The following BMPR1B variants were observed in gnomAD, a reference collection of about 807,000 sequenced individuals.
BMPR1B encodes the protein bone morphogenetic protein receptor type 1B.
A neutral mutation model predicts 59.1 loss-of-function variants in BMPR1B; 12 were observed. That is an observed-to-expected ratio of 0.20 (90% CI 0.13 to 0.33). The LOEUF (loss-of-function observed/expected upper bound fraction) is 0.33, where lower values mean the gene tolerates loss of function less well. Ranked by LOEUF, BMPR1B falls within the 10% of genes least tolerant of loss-of-function variation. The probability of loss-of-function intolerance (pLI) is 1.00; values close to 1 mark genes in which losing one functional copy is unlikely to be tolerated. For missense variants in BMPR1B, 550 were observed against 610.9 expected (o/e 0.90, Z 1.05); for synonymous variants, 237 against 207.3 (o/e 1.14, Z -1.23).
intron 3 of BMPR1B, among the ~76,000 whole-genome samples, chr4:95,063,859 A>G (rs1263677503): frequency 1.3e-5 from 2 of 152,164 alleles, no homozygotes; most frequent in African/African-American, 2.4e-5. Context: ...CGAACAGGGC[A>G]TTCATAGAGG....
chr4:94,875,981 A>G (rs920502408), intron 2 of BMPR1B, 81 bp downstream of exon 2: 1 of 152,660 alleles, frequency 6.6e-6, no homozygotes, highest in Non-Finnish European at 1.5e-5. Flanking sequence ...ACTTTGTGGT[A>G]TGCTGAAGTT....
chr4:94,814,505 A>G (rs533336135), intron 1 of BMPR1B, among the ~76,000 whole-genome samples: 70 of 152,326 alleles, frequency 4.6e-4, no homozygotes, highest in African/African-American at 1.1e-3. Flanking sequence ...TGGTTCTGCA[A>G]TCATGGGTTG....
chr4:95,045,326 G>T (rs1490171842), intron 3 of BMPR1B, among the ~76,000 whole-genome samples: 1 of 152,166 alleles, frequency 6.6e-6, no homozygotes, highest in African/African-American at 2.4e-5. Context: ...GTAGCTGTCA[G>T]TTTGCACAAT....
At chr4:94,790,226 C>T (rs1390324850) in intron 1 of BMPR1B, among the ~76,000 whole-genome samples, 1 of 151,982 alleles carries the variant, frequency 6.6e-6, no homozygotes, top group African/African-American at 2.4e-5. Context: ...GCCTCTAACC[C>T]CCGCATTGTT....
At chr4:94,821,759 T>C (rs1196368728) in intron 1 of BMPR1B, among the ~76,000 whole-genome samples, 1 of 152,198 alleles carries the variant, frequency 6.6e-6, no homozygotes, top group Non-Finnish European at 1.5e-5. Flanking sequence ...TATAAATGCT[T>C]TCTTGTTGAA....
intron 4 of BMPR1B, among the ~76,000 whole-genome samples, chr4:95,111,637 G>T (rs1361552707): frequency 1.3e-5 from 2 of 151,912 alleles, no homozygotes; most frequent in East Asian, 1.9e-4. Context: ...AAAGAGTATC[G>T]CTTGGTCCCT....
chr4:94,965,355 A>G (rs766115004), intron 2 of BMPR1B, among the ~76,000 whole-genome samples: 2 of 152,144 alleles, frequency 1.3e-5, no homozygotes, highest in Admixed American at 6.5e-5. Flanking sequence ...GAGCTAACAT[A>G]TATCAAAAGC....
intron 2 of BMPR1B, among the ~76,000 whole-genome samples, chr4:94,943,459 C>T (rs1449746712): frequency 6.6e-6 from 1 of 152,178 alleles, no homozygotes; most frequent in East Asian, 1.9e-4. Context: ...ATAATCTACT[C>T]AGCATATCTG....
chr4:95,009,470 A>G (rs1300165648), intron 3 of BMPR1B, among the ~76,000 whole-genome samples: 2 of 152,212 alleles, frequency 1.3e-5, no homozygotes, highest in African/African-American at 2.4e-5. Flanking sequence ...AGCTACATTC[A>G]TGAGCCTGCA....
chr4:95,030,191 C>T (rs1371751796), intron 3 of BMPR1B, among the ~76,000 whole-genome samples: 5 of 152,048 alleles, frequency 3.3e-5, no homozygotes, highest in Admixed American at 6.6e-5. Context: ...AGTCCTTGCC[C>T]ATGCCTATGT....
At chr4:94,874,998 AAAT>A (rs1404874651) in intron 1 of BMPR1B, among the ~76,000 whole-genome samples, 5 of 152,158 alleles carry the variant, frequency 3.3e-5, no homozygotes, top group Non-Finnish European at 4.4e-5. Flanking sequence ...GTCTCAAAAA[AAAT>A]AATAATAAAT....
chr4:94,813,120 A>G lies in BMPR1B; in HGVS notation c.-183+55052A>G, dbSNP rs147943098. On this transcript the variant is annotated intron_variant, in intron 1 of 12. Coordinates refer to ENST00000515059, the MANE Select transcript of BMPR1B (RefSeq NM_001203.3). ...ACCTATGTATGCTCAGAAATGATCT[A>G]GGTCATGAAGACAAATTACAAAACC... Among the ~76,000 whole-genome samples the G allele has an allele frequency of 9.6e-3, 1,456 of 152,214 alleles. 9 individuals carry two copies. The highest frequency in any genetic ancestry group is 0.019 in the African/African-American group (810 of 41,544).
At chr4:95,103,339 TA>T in intron 3 of BMPR1B, 2 of 580,068 alleles carry the variant, frequency 3.4e-6, no homozygotes, top group Non-Finnish European at 4.4e-6. Flanking sequence ...ACTTCTGACC[TA>T]AAATTTCAAT....
At chr4:94,840,711 T>G (rs1323759107) in intron 1 of BMPR1B, among the ~76,000 whole-genome samples, 2 of 147,760 alleles carry the variant, frequency 1.4e-5, no homozygotes, top group East Asian at 3.9e-4. Context: ...GGTTTGAATG[T>G]CCTCCCGTAG....
At chr4:95,142,653 G>T (rs1734325854) in intron 10 of BMPR1B, among the ~76,000 whole-genome samples, 1 of 151,916 alleles carries the variant, frequency 6.6e-6, no homozygotes, top group Non-Finnish European at 1.5e-5. Flanking sequence ...GTGCCCAAAG[G>T]CTCAATGAGG....
intron 2 of BMPR1B, among the ~76,000 whole-genome samples, chr4:94,946,444 G>A (rs868223162): frequency 2.0e-5 from 3 of 152,106 alleles, no homozygotes; most frequent in African/African-American, 4.8e-5. Context: ...GATTTTATGG[G>A]TGAAACATCT....
intron 1 of BMPR1B, among the ~76,000 whole-genome samples, chr4:94,844,014 G>A (rs775919578): frequency 8.5e-5 from 13 of 152,158 alleles, no homozygotes; most frequent in Admixed American, 3.9e-4. Context: ...CTGGGGTATG[G>A]GGGGAAATGC....
intron 2 of BMPR1B, among the ~76,000 whole-genome samples, chr4:94,891,664 G>A (rs73836181): frequency 0.049 from 7,462 of 151,992 alleles, 450 homozygotes; most frequent in African/African-American, 0.14. Context: ...TAAACAAAAG[G>A]TAACATTCAA....
At chr4:94,899,798 A>G (rs1028206753) in intron 2 of BMPR1B, among the ~76,000 whole-genome samples, 21 of 152,034 alleles carry the variant, frequency 1.4e-4, no homozygotes, top group African/African-American at 4.3e-4. Flanking sequence ...TTCCTTTTGA[A>G]ATGGGAATGT....
Sources: allele counts gnomAD v4.1 joint callset (sites outside exome capture counted in the v4.1 genomes callset), GRCh38; gene constraint gnomAD v4.1.1; transcripts MANE v1.5; gene names NCBI Gene and HGNC (gene_info 2026-07-23, HGNC 2026-07-21).